Variants in MPRIP observed in about 807,000 individuals in gnomAD.
MPRIP encodes the protein myosin phosphatase Rho interacting protein.
MPRIP carries 59 observed loss-of-function variants against 234.9 expected under a neutral mutation model. That is an observed-to-expected ratio of 0.25 (90% CI 0.20 to 0.31). The LOEUF (loss-of-function observed/expected upper bound fraction) is 0.31, where lower values mean the gene tolerates loss of function less well. MPRIP is among the 10% of genes least tolerant of loss of function. The pLI is 1.00. For synonymous variants in MPRIP, 1,144 were observed against 1,263.9 expected (o/e 0.91, Z 2.01); for missense variants, 2,436 against 3,071.0 (o/e 0.79, Z 4.89).
intron 1 of MPRIP, among the ~76,000 whole-genome samples, chr17:17,058,761 G>C (rs527505970): frequency 6.6e-6 from 1 of 152,342 alleles, no homozygotes; most frequent in African/African-American, 2.4e-5. Context: ...TCTGGGGTTA[G>C]ATGTCGCCTT....
intron 3 of MPRIP, among the ~76,000 whole-genome samples, chr17:17,123,352 A>G (rs1010181555): frequency 6.6e-6 from 1 of 152,146 alleles, no homozygotes; most frequent in Non-Finnish European, 1.5e-5. Flanking sequence ...TTATATCTCA[A>G]TAAAGCTGTT....
chr17:17,085,412 G>A (rs1364420276), intron 3 of MPRIP, among the ~76,000 whole-genome samples: 1 of 152,246 alleles, frequency 6.6e-6, no homozygotes, highest in Non-Finnish European at 1.5e-5. Flanking sequence ...GCCCCCGCAG[G>A]CCCTCCCCAT....
intron 4 of MPRIP, among the ~76,000 whole-genome samples, chr17:17,130,475 A>G (rs890701231): frequency 5.3e-5 from 8 of 151,162 alleles, no homozygotes; most frequent in Admixed American, 1.3e-4. Flanking sequence ...AATTAAAGAA[A>G]TACCTCTGGG....
At chr17:17,058,414 G>T (rs1268319511) in intron 1 of MPRIP, among the ~76,000 whole-genome samples, 7 of 151,512 alleles carry the variant, frequency 4.6e-5, no homozygotes, top group Admixed American at 1.3e-4. Flanking sequence ...GGGGAATGGG[G>T]ACCTGGGGAG....
chr17:17,161,375 T>C lies in MPRIP; in HGVS notation c.2517+19T>C. ...GCTGCAGGTAGGGTGGAGGGGCTGC[T>C]GTGGCCCATGGTGCGCTCAGGAGCT... is the stretch of plus-strand genomic sequence containing the variant. On this transcript the variant is annotated intron_variant, in intron 15 of 23. Transcript: ENST00000651222. 2.0e-6 allele frequency: 3 copies of C among 1,526,880 alleles called. No individual in the cohort carries two copies. Among genetic ancestry groups the C allele is most frequent in the Non-Finnish European group, 2.7e-6 (3 of 1,117,974 alleles). 94.6% of individuals were successfully genotyped at this position (1,526,880 alleles called of 1,614,324 possible). A position where few individuals can be genotyped will look rare whatever the true frequency, so the allele number is the denominator to read the frequency against.
intron 1 of MPRIP, among the ~76,000 whole-genome samples, chr17:17,060,556 A>G (rs1258610506): frequency 6.6e-6 from 1 of 152,112 alleles, no homozygotes; most frequent in Non-Finnish European, 1.5e-5. Context: ...GGGGTATAAA[A>G]TGGAGGTCAT....
chr17:17,068,286 G>T (rs1467598681), intron 1 of MPRIP, among the ~76,000 whole-genome samples: 1 of 152,008 alleles, frequency 6.6e-6, no homozygotes, highest in Admixed American at 6.6e-5. Context: ...GAGTAGCTGG[G>T]ATTACAGGCA....
chr17:17,158,813 C>T lies in MPRIP; in HGVS notation c.2211C>T (p.Ser737=), dbSNP rs1289796064. ...CCCTGCGCATGGAGGTGGACCGGAG[C>T]CCAGGGCTGCCTATGAGCGACCTCA... ...DAALRMEVDR[S]PGLPMSDLKT... The change falls in exon 14 of 24, where the codon AGC becomes AGT. Residue 737 remains serine (S), a synonymous_variant. Transcript: ENST00000651222. The T allele has an allele frequency of 3.7e-6, 6 of 1,611,620 alleles. No homozygotes were observed. The South Asian group carries it at 6.6e-5, about 18-fold the overall frequency.
intron 3 of MPRIP, 45 bp from the exon 4 acceptor site, chr17:17,126,657 C>T (rs1162094660): frequency 6.3e-7 from 1 of 1,578,004 alleles, no homozygotes; most frequent in South Asian, 1.2e-5. Context: ...ACATCTGTGG[C>T]CCCATTGGCT....
intron 3 of MPRIP, among the ~76,000 whole-genome samples, chr17:17,101,605 A>C (rs1264348120): frequency 6.6e-6 from 1 of 151,216 alleles, no homozygotes; most frequent in Non-Finnish European, 1.5e-5. Flanking sequence ...ACAACAAAAA[A>C]AATATATATA....
In MPRIP at chr17:17,062,372, G is replaced by A. The variant is rs939019631; in HGVS notation, c.124-13338G>A. Among the ~76,000 whole-genome samples, 10 of 152,286 alleles carry A rather than the reference G, an allele frequency of 6.6e-5. 1 individual carries two copies. The highest frequency in any genetic ancestry group is 5.9e-4 in the Admixed American group (9 of 15,298). ...TACATTACAAAAATGGTAAAATCAAGCAAAAGCCCCCAAACCTGCTGCTGA... is the reference window on the plus strand; with the variant it reads ...TACATTACAAAAATGGTAAAATCAAACAAAAGCCCCCAAACCTGCTGCTGA... On this transcript the variant is annotated intron_variant, in intron 1 of 23. Transcript: ENST00000651222.
intron 3 of MPRIP, among the ~76,000 whole-genome samples, chr17:17,098,690 G>A (rs955700286): frequency 2.0e-5 from 3 of 152,166 alleles, no homozygotes; most frequent in Non-Finnish European, 4.4e-5. Context: ...GTGGGTCCCC[G>A]GTGGGAAAGA....
At chr17:17,106,707 A>T (rs1381256547) in intron 3 of MPRIP, among the ~76,000 whole-genome samples, 1 of 152,184 alleles carries the variant, frequency 6.6e-6, no homozygotes, top group Admixed American at 6.5e-5. Flanking sequence ...AACACAAGGA[A>T]AAAAGACGCC....
At chr17:17,157,214 C>T (rs893368945) in intron 13 of MPRIP, among the ~76,000 whole-genome samples, 5 of 152,240 alleles carry the variant, frequency 3.3e-5, no homozygotes, top group African/African-American at 4.8e-5. Flanking sequence ...CAGACGAGGC[C>T]TCCCCAGGAA....
intron 3 of MPRIP, among the ~76,000 whole-genome samples, chr17:17,107,690 G>A (rs947265779): frequency 2.0e-5 from 3 of 152,180 alleles, no homozygotes; most frequent in African/African-American, 4.8e-5. Flanking sequence ...TGTCCCCTTC[G>A]TGTCTGAGAC....
chr17:17,161,404 G>T, intron 15 of MPRIP, 48 bp downstream of exon 15: 2 of 1,348,708 alleles, frequency 1.5e-6, no homozygotes, highest in Non-Finnish European at 2.1e-6. Flanking sequence ...AGGAGCTTCA[G>T]TGTGAAGGGT....
At chr17:17,135,219 G>C (rs1004713051) in intron 5 of MPRIP, among the ~76,000 whole-genome samples, 1 of 152,208 alleles carries the variant, frequency 6.6e-6, no homozygotes, top group African/African-American at 2.4e-5. Flanking sequence ...AGTCAAGTTA[G>C]GGTTCTCTGC....
At chr17:17,099,086 T>G (rs1162285604) in intron 3 of MPRIP, among the ~76,000 whole-genome samples, 1 of 146,986 alleles carries the variant, frequency 6.8e-6, no homozygotes, top group African/African-American at 2.4e-5. Context: ...AAGGCTTCTT[T>G]TCTTTCATTT....
intron 1 of MPRIP, among the ~76,000 whole-genome samples, chr17:17,058,197 C>T (rs1248014525): frequency 1.3e-5 from 2 of 152,102 alleles, no homozygotes; most frequent in East Asian, 1.9e-4. Context: ...GGCTCAGGGA[C>T]GTTAGTCCTG....
Sources: allele counts gnomAD v4.1 joint callset (sites outside exome capture counted in the v4.1 genomes callset), GRCh38; gene constraint gnomAD v4.1.1; transcripts MANE v1.5; gene names NCBI Gene and HGNC (gene_info 2026-07-23, HGNC 2026-07-21).